Variants in THSD4 observed in about 807,000 individuals in gnomAD.
THSD4 encodes thrombospondin type 1 domain containing 4.
A neutral mutation model predicts 119.0 loss-of-function variants in THSD4; 69 were observed. The ratio of observed to expected loss-of-function variants is 0.58; its 90% confidence interval spans 0.48 to 0.71. The LOEUF (loss-of-function observed/expected upper bound fraction) is 0.71. Ranked by LOEUF, THSD4 falls within the 30% of genes least tolerant of loss-of-function variation. THSD4 has a pLI of 0.00. For missense variants in THSD4, 1,393 were observed against 1,391.1 expected (o/e 1.00, Z -0.02); for synonymous variants, 524 against 540.4 (o/e 0.97, Z 0.42).
intron 6 of THSD4, among the ~76,000 whole-genome samples, chr15:71,385,641 C>G (rs924412468): frequency 1.3e-5 from 2 of 152,202 alleles, no homozygotes; most frequent in African/African-American, 4.8e-5. Flanking sequence ...TTGACTGAAA[C>G]TTGGCTGCCC....
At chr15:71,743,926 A>G (rs2053283254) in intron 11 of THSD4, among the ~76,000 whole-genome samples, 1 of 152,248 alleles carries the variant, frequency 6.6e-6, no homozygotes, top group South Asian at 2.1e-4. Context: ...GCCAATTAGC[A>G]ACAGAGATAA....
chr15:71,689,389 G>A (rs554668969), intron 8 of THSD4, among the ~76,000 whole-genome samples: 13 of 152,172 alleles, frequency 8.5e-5, no homozygotes, highest in Admixed American at 4.6e-4. Flanking sequence ...CTCTGATCTT[G>A]AGCATTGTTA....
At chr15:71,308,035 G>T (rs2045055830) in intron 6 of THSD4, among the ~76,000 whole-genome samples, 1 of 152,104 alleles carries the variant, frequency 6.6e-6, no homozygotes, top group Admixed American at 6.5e-5. Flanking sequence ...AGTCATAGAA[G>T]CATGCAGCAC....
In THSD4 at chr15:71,460,478, G is replaced by C. The variant is rs564891908; in HGVS notation, c.1152+48655G>C. On this transcript the variant is annotated intron_variant, in intron 7 of 17. Coordinates refer to ENST00000261862, the MANE Select transcript of THSD4 (RefSeq NM_024817.3). ...ATGCCTTTGCCTGCCAGTAGGGCTG[G>C]ATGGCATGTGGACATATTTGCACAT... 2.5e-4 allele frequency among the ~76,000 whole-genome samples: 38 copies of C among 152,236 alleles called. 1 individual carries two copies. The South Asian group carries it at 7.9e-3, about 32-fold the overall frequency.
intron 1 of THSD4, among the ~76,000 whole-genome samples, chr15:71,123,852 C>A (rs919523908): frequency 2.0e-5 from 3 of 152,222 alleles, no homozygotes; most frequent in African/African-American, 7.2e-5. Flanking sequence ...TCAGACTTTT[C>A]CCCCTACAGA....
chr15:71,271,006 T>C (rs115644472), intron 6 of THSD4, among the ~76,000 whole-genome samples: 1,888 of 152,242 alleles, frequency 0.012, 39 homozygotes, highest in African/African-American at 0.043. Flanking sequence ...GAACCTGTGC[T>C]ATCCTAAAAG....
At chr15:71,144,000 T>C (rs77461845) in intron 2 of THSD4, among the ~76,000 whole-genome samples, 131 of 152,224 alleles carry the variant, frequency 8.6e-4, no homozygotes, top group African/African-American at 3.1e-3. Flanking sequence ...GAAGGGAAAT[T>C]AGCAGGATGG....
At chr15:71,702,613 T>C (rs2052314237) in intron 8 of THSD4, among the ~76,000 whole-genome samples, 1 of 152,202 alleles carries the variant, frequency 6.6e-6, no homozygotes, top group Non-Finnish European at 1.5e-5. Context: ...AGAGCCAACA[T>C]GATTATGTCT....
At chr15:71,265,613 A>G (rs111806811) in intron 6 of THSD4, among the ~76,000 whole-genome samples, 7,615 of 151,538 alleles carry the variant, frequency 0.05, 666 homozygotes, top group African/African-American at 0.18. Context: ...AAAACTGTTC[A>G]CTCCCCTGGA....
At chr15:71,453,120 C>G (rs2047289071) in intron 7 of THSD4, among the ~76,000 whole-genome samples, 1 of 152,242 alleles carries the variant, frequency 6.6e-6, no homozygotes, top group South Asian at 2.1e-4. Context: ...GGACCTTGAT[C>G]TGGGACTTCC....
chr15:71,766,122 G>C (rs1199132252), intron 16 of THSD4, among the ~76,000 whole-genome samples: 2 of 152,148 alleles, frequency 1.3e-5, no homozygotes, highest in Non-Finnish European at 2.9e-5. Context: ...TGAAGAAAGA[G>C]AGAGATTGAT....
intron 7 of THSD4, among the ~76,000 whole-genome samples, chr15:71,474,874 A>T (rs1415188337): frequency 2.0e-5 from 3 of 152,182 alleles, no homozygotes; most frequent in Non-Finnish European, 2.9e-5. Flanking sequence ...GGCCTGGAGT[A>T]TCCCCTCCAT....
intron 3 of THSD4, among the ~76,000 whole-genome samples, chr15:71,172,479 G>C (rs537740659): frequency 1.3e-5 from 2 of 150,946 alleles, no homozygotes; most frequent in African/African-American, 4.9e-5. Flanking sequence ...AATATAAATT[G>C]ACAAACTGAT....
At chr15:71,195,678 G>C (rs551709412) in intron 3 of THSD4, among the ~76,000 whole-genome samples, 2 of 152,190 alleles carry the variant, frequency 1.3e-5, no homozygotes, top group Non-Finnish European at 2.9e-5. Context: ...TTCGAGCTAA[G>C]GGGGAGACAC....
intron 6 of THSD4, among the ~76,000 whole-genome samples, chr15:71,272,209 T>C (rs1485780562): frequency 1.3e-5 from 2 of 151,600 alleles, no homozygotes; most frequent in Admixed American, 6.6e-5. Flanking sequence ...GAGACCAGCC[T>C]GGCCAACATA....
At chr15:71,197,715 A>G (rs2043732540) in intron 3 of THSD4, among the ~76,000 whole-genome samples, 1 of 151,910 alleles carries the variant, frequency 6.6e-6, no homozygotes, top group African/African-American at 2.4e-5. Context: ...GGCCACCAAG[A>G]AGAAGGTCGC....
chr15:71,097,800 G>T (rs2040237714), intron 1 of THSD4, among the ~76,000 whole-genome samples: 1 of 149,498 alleles, frequency 6.7e-6, no homozygotes, highest in African/African-American at 2.5e-5. Context: ...TTGCTCTATA[G>T]ATTACTCTTG....
intron 7 of THSD4, among the ~76,000 whole-genome samples, chr15:71,517,454 C>T (rs1178917936): frequency 1.3e-5 from 2 of 152,144 alleles, no homozygotes; most frequent in African/African-American, 2.4e-5. Context: ...CCTATTTTAC[C>T]TTCCCAACCT....
At chr15:71,146,430 T>G (rs2040661817) in intron 2 of THSD4, among the ~76,000 whole-genome samples, 1 of 151,026 alleles carries the variant, frequency 6.6e-6, no homozygotes, top group African/African-American at 2.5e-5. Flanking sequence ...CATCCACACC[T>G]AATTTGCCAG....
Sources: gnomAD v4.1 joint callset for allele counts (sites outside exome capture counted in the v4.1 genomes callset) on GRCh38, gnomAD v4.1.1 for gene constraint, MANE v1.5 for transcripts, NCBI Gene and HGNC (gene_info 2026-07-23, HGNC 2026-07-21) for gene names.